The following NIBAN1 variants were observed in gnomAD, a reference collection of about 807,000 sequenced individuals.
The protein encoded by NIBAN1 is protein Niban 1.
In NIBAN1, 81 loss-of-function variants were observed where a neutral mutation model predicts 75.1. That is an observed-to-expected ratio of 1.08 (90% CI 0.90 to 1.30). The LOEUF (loss-of-function observed/expected upper bound fraction) is 1.30. Ranked by LOEUF, NIBAN1 falls within the 50% of genes most tolerant of loss-of-function variation. The probability of loss-of-function intolerance (pLI) is 0.00; values close to 1 mark genes in which losing one functional copy is unlikely to be tolerated. For missense variants in NIBAN1, 1,133 were observed against 1,128.1 expected (o/e 1.00, Z -0.06); for synonymous variants, 436 against 424.8 (o/e 1.03, Z -0.32).
Position 184,917,402 on chromosome 1 carries a change from C to CG in NIBAN1, c.56-18094dup, listed in dbSNP as rs1333812507. Among the ~76,000 whole-genome samples the CG allele has an allele frequency of 1.1e-3, 137 of 125,066 alleles. 1 individual carries two copies. The highest frequency in any genetic ancestry group is 4.1e-3 in the African/African-American group (135 of 33,200). The allele number at this position is 125,066 out of a possible 152,430, so 82.0% of individuals were successfully genotyped here. ...TTTTTTTTTTTTTTTTTAGTAGAGA[C>CG]GGGGTTTCACCATGTTAGCCAGGAA... On this transcript the variant is annotated intron_variant, in intron 1 of 13. Transcript: ENST00000367511.
intron 5 of NIBAN1, among the ~76,000 whole-genome samples, chr1:184,869,454 G>A (rs756527322): frequency 2.0e-5 from 3 of 152,020 alleles, no homozygotes; most frequent in Non-Finnish European, 4.4e-5. Flanking sequence ...GTCTAGTTGT[G>A]GTCCTCTCAC....
At chr1:184,970,684 G>A (rs1187122873) in intron 1 of NIBAN1, among the ~76,000 whole-genome samples, 1 of 152,092 alleles carries the variant, frequency 6.6e-6, no homozygotes, top group Non-Finnish European at 1.5e-5. Flanking sequence ...AAATCCAGTG[G>A]GGGAAAACAG....
At chr1:184,891,275 A>G (rs1207749796) in intron 3 of NIBAN1, among the ~76,000 whole-genome samples, 2 of 152,064 alleles carry the variant, frequency 1.3e-5, no homozygotes, top group African/African-American at 4.8e-5. Context: ...CGATTGGAGG[A>G]CTCTTCTGAA....
intron 4 of NIBAN1, among the ~76,000 whole-genome samples, chr1:184,886,445 T>C (rs1656527598): frequency 6.6e-6 from 1 of 152,212 alleles, no homozygotes. Context: ...ATGTTCAACT[T>C]CAGTTTGTTG....
intron 5 of NIBAN1, among the ~76,000 whole-genome samples, chr1:184,873,418 G>A (rs1221347768): frequency 2.6e-5 from 4 of 152,194 alleles, no homozygotes; most frequent in Admixed American, 6.5e-5. Flanking sequence ...ACAGATGCAA[G>A]AAGAGCTCCC....
intron 12 of NIBAN1, among the ~76,000 whole-genome samples, chr1:184,799,266 C>A (rs953565098): frequency 2.0e-5 from 3 of 149,862 alleles, no homozygotes; most frequent in African/African-American, 7.3e-5. Context: ...TTGTTCAATT[C>A]CCACCTATGA....
rs59022150 is a variant in NIBAN1 at position 184,960,623 on chromosome 1, A to ATGTTGTTGTTGTTGT, written c.55+13664_55+13678dup. On this transcript the variant is annotated intron_variant, in intron 1 of 13. Transcript: ENST00000367511. ...AGACAACACCAACAACAACAACAAA[A>ATGTTGTTGTTGTTGT]TGTTGTTGTTGTTGTTGTTGTTGAG... Among the ~76,000 whole-genome samples the ATGTTGTTGTTGTTGT allele has an allele frequency of 8.9e-3, 1,344 of 150,212 alleles. 24 individuals carry two copies. Among genetic ancestry groups the ATGTTGTTGTTGTTGT allele is most frequent in the African/African-American group, 0.029 (1,185 of 40,902 alleles).
chr1:184,915,317 A>T (rs1037286494), intron 1 of NIBAN1, among the ~76,000 whole-genome samples: 5 of 152,256 alleles, frequency 3.3e-5, no homozygotes, highest in African/African-American at 1.2e-4. Flanking sequence ...GTTATATTCA[A>T]TAGCATTGTA....
intron 9 of NIBAN1, 37 bp downstream of exon 9, chr1:184,818,601 G>T: frequency 6.6e-7 from 1 of 1,518,610 alleles, no homozygotes; most frequent in Non-Finnish European, 8.9e-7. Context: ...CAGCCAGGCA[G>T]ACCATTCACA....
At chr1:184,950,859 T>A in intron 1 of NIBAN1, among the ~76,000 whole-genome samples, 1 of 152,198 alleles carries the variant, frequency 6.6e-6, no homozygotes, top group East Asian at 1.9e-4. Context: ...GTGCTGAAAA[T>A]TACTTGTAAT....
At chr1:184,936,063 G>A (rs1171245940) in intron 1 of NIBAN1, among the ~76,000 whole-genome samples, 1 of 150,780 alleles carries the variant, frequency 6.6e-6, no homozygotes, top group South Asian at 2.1e-4. Context: ...TCTATTGAAA[G>A]GTTTACACTT....
intron 1 of NIBAN1, among the ~76,000 whole-genome samples, chr1:184,941,569 G>A (rs1658087181): frequency 6.6e-6 from 1 of 151,314 alleles, no homozygotes; most frequent in Admixed American, 6.6e-5. Context: ...AAGGTCACTT[G>A]AGCCTGGGGG....
chr1:184,823,797 C>T, intron 6 of NIBAN1, 55 bp from the exon 7 acceptor site: 2 of 1,471,792 alleles, frequency 1.4e-6, no homozygotes, highest in Non-Finnish European at 1.9e-6. Context: ...TACATCTGAG[C>T]ATCAGGCCAA....
At chr1:184,943,726 T>A (rs926483433) in intron 1 of NIBAN1, among the ~76,000 whole-genome samples, 3 of 152,046 alleles carry the variant, frequency 2.0e-5, no homozygotes, top group African/African-American at 7.2e-5. Context: ...TAATAATAAA[T>A]AAATAAAATT....
intron 1 of NIBAN1, among the ~76,000 whole-genome samples, chr1:184,937,081 A>C (rs898854353): frequency 5.3e-5 from 8 of 151,942 alleles, no homozygotes; most frequent in Admixed American, 4.6e-4. Flanking sequence ...CCAAGGAAGC[A>C]ATAAATATTA....
chr1:184,810,137 A>G (rs1002030015), intron 9 of NIBAN1, among the ~76,000 whole-genome samples: 1 of 152,226 alleles, frequency 6.6e-6, no homozygotes, highest in African/African-American at 2.4e-5. Flanking sequence ...ACAATTATAT[A>G]TGTGTATATA....
At chr1:184,900,960 A>T (rs758604897) in intron 1 of NIBAN1, among the ~76,000 whole-genome samples, 10 of 152,220 alleles carry the variant, frequency 6.6e-5, no homozygotes, top group Non-Finnish European at 1.5e-4. Flanking sequence ...ATATACTGGC[A>T]AGATTTGTTT....
chr1:184,927,405 A>G (rs538150794), intron 1 of NIBAN1, among the ~76,000 whole-genome samples: 38 of 152,314 alleles, frequency 2.5e-4, no homozygotes, highest in African/African-American at 8.9e-4. Flanking sequence ...TTGTAGATTC[A>G]TAGAGATACC....
intron 1 of NIBAN1, among the ~76,000 whole-genome samples, chr1:184,954,923 C>A (rs1658444644): frequency 6.6e-6 from 1 of 152,150 alleles, no homozygotes; most frequent in African/African-American, 2.4e-5. Flanking sequence ...TTCTATGAAT[C>A]TTTATTCGAG....
Sources: gnomAD v4.1 joint callset for allele counts (sites outside exome capture counted in the v4.1 genomes callset) on GRCh38, gnomAD v4.1.1 for gene constraint, MANE v1.5 for transcripts, NCBI Gene and HGNC (gene_info 2026-07-23, HGNC 2026-07-21) for gene names.